SLC26A5: variants seen among roughly 807,000 people sequenced by gnomAD.
SLC26A5 encodes the protein solute carrier family 26 member 5, also known as prestin.
A neutral mutation model predicts 81.0 loss-of-function variants in SLC26A5; 51 were observed. That is an observed-to-expected ratio of 0.63 (90% confidence interval 0.50 to 0.80). SLC26A5 has a LOEUF of 0.80. SLC26A5 is among the 30% of genes least tolerant of loss of function. SLC26A5 has a pLI of 0.00. For missense variants in SLC26A5, 771 were observed against 905.8 expected, an observed-to-expected ratio of 0.85 and a Z score of 1.91; for synonymous variants, 325 against 332.8, an observed-to-expected ratio of 0.98 and a Z score of 0.25.
intron 7 of SLC26A5, among the ~76,000 whole-genome samples, chr7:103,410,060 T>C (rs1294503587): frequency 6.6e-6 from 1 of 152,170 alleles, no homozygotes; most frequent in Non-Finnish European, 1.5e-5. Flanking sequence ...TTTAAATTAT[T>C]TGTTAGTTTC....
At chr7:103,387,702 A>G (rs1313024232) in intron 14 of SLC26A5, among the ~76,000 whole-genome samples, 1 of 152,048 alleles carries the variant, frequency 6.6e-6, no homozygotes, top group Non-Finnish European at 1.5e-5. Flanking sequence ...ATTTTTTGAG[A>G]TGGAGTTTTG....
At chr7:103,352,870 T>A in exon 20 of SLC26A5, 2 of 780,952 alleles carry the variant, frequency 2.6e-6, no homozygotes, top group Non-Finnish European at 4.8e-6. Context: ...CTGAACTGCT[T>A]GGATTACACG....
chr7:103,433,760 T>A (rs1826252796), intron 2 of SLC26A5, among the ~76,000 whole-genome samples: 1 of 149,570 alleles, frequency 6.7e-6, no homozygotes, highest in African/African-American at 2.5e-5. Context: ...TGGTGTGCAG[T>A]GATGCGATCT....
In SLC26A5 at chr7:103,391,484, C is replaced by T. The variant is rs141799711; in HGVS notation, c.1233+138G>A. ...ATTCACTTCAACCAATCATGCCTTT[C>T]TCTGATTCCCTACACAGCTCACTGG... On this transcript the variant is annotated intron_variant, in intron 11 of 19. Coordinates refer to ENST00000306312, the MANE Select transcript of SLC26A5 (RefSeq NM_198999.3). 1.7e-4 allele frequency: 120 copies of T among 726,098 alleles called. No homozygotes were observed. The Middle Eastern group carries it at 2.9e-3, about 17-fold the overall frequency. 45.0% of individuals were successfully genotyped at this position (726,098 alleles called of 1,614,324 possible). A position where few individuals can be genotyped will look rare whatever the true frequency, so the allele number is the denominator to read the frequency against.
chr7:103,410,147 C>G (rs1824371478), intron 7 of SLC26A5, among the ~76,000 whole-genome samples: 1 of 152,148 alleles, frequency 6.6e-6, no homozygotes, highest in South Asian at 2.1e-4. Flanking sequence ...AAATAAAGAC[C>G]TAGCAAAAAA....
At chr7:103,384,953 G>A (rs1822069408) in intron 14 of SLC26A5, among the ~76,000 whole-genome samples, 1 of 152,110 alleles carries the variant, frequency 6.6e-6, no homozygotes, top group Admixed American at 6.5e-5. Flanking sequence ...CTTATATACT[G>A]CACTGTCCCT....
chr7:103,428,625 C>A (rs528310140), intron 2 of SLC26A5, among the ~76,000 whole-genome samples: 1 of 148,916 alleles, frequency 6.7e-6, no homozygotes, highest in African/African-American at 2.5e-5. Context: ...TGCAGTGGCA[C>A]CATCTTGGCT....
chr7:103,364,958 C>CATAT (rs59914167), intron 19 of SLC26A5, among the ~76,000 whole-genome samples: 51,578 of 125,252 alleles, frequency 0.41, 11,544 homozygotes, highest in Non-Finnish European at 0.49. Flanking sequence ...TGTAGACATA[C>CATAT]ATATATATAT....
intron 19 of SLC26A5, among the ~76,000 whole-genome samples, chr7:103,356,124 C>G (rs1820018565): frequency 6.6e-6 from 1 of 151,960 alleles, no homozygotes; most frequent in Non-Finnish European, 1.5e-5. Flanking sequence ...GTGTATCTTC[C>G]TGTATTTGCA....
At chr7:103,388,196 T>G (rs1381477966) in intron 14 of SLC26A5, among the ~76,000 whole-genome samples, 2 of 146,372 alleles carry the variant, frequency 1.4e-5, no homozygotes, top group Non-Finnish European at 3.0e-5. Context: ...CCATAAAGTT[T>G]TTTTTTTTTT....
intron 9 of SLC26A5, among the ~76,000 whole-genome samples, chr7:103,396,993 G>T (rs1334086880): frequency 6.6e-6 from 1 of 151,356 alleles, no homozygotes; most frequent in East Asian, 1.9e-4. Flanking sequence ...TACTCAGGAG[G>T]CTCAGGCAGG....
At chr7:103,354,360 A>T (rs1025225362) in intron 19 of SLC26A5, among the ~76,000 whole-genome samples, 5 of 150,698 alleles carry the variant, frequency 3.3e-5, no homozygotes, top group Non-Finnish European at 7.4e-5. Context: ...ATAATTTCAC[A>T]CACGATTTTT....
At chr7:103,416,566 C>A (rs1232788463) in intron 4 of SLC26A5, among the ~76,000 whole-genome samples, 3 of 152,154 alleles carry the variant, frequency 2.0e-5, no homozygotes, top group Non-Finnish European at 4.4e-5. Context: ...AGACTTTGAA[C>A]CAGTTCCCTT....
chr7:103,377,885 CTT>C, intron 17 of SLC26A5, 86 bp from the exon 18 acceptor site: 2 of 1,314,026 alleles, frequency 1.5e-6, no homozygotes, highest in East Asian at 2.3e-5. Context: ...AAAATCTGCT[CTT>C]GTGTTCTTAA....
Position 103,421,372 on chromosome 7 carries a change from T to C in SLC26A5, c.143A>G (p.Gln48Arg), listed in dbSNP as rs768443776. Reference protein sequence around the residue: ...VPDSIADKLKQAFTCTPKKIR... With the variant: ...VPDSIADKLKRAFTCTPKKIR... ...TTAAAAGGCAACGTACGTGAATGCC[T>C]GTTTCAGCTTATCCGCAATGGAATC... The change falls in exon 3 of 20, where the codon CAG (glutamine) becomes CGG (arginine). Residue 48 changes from glutamine (Q) to arginine (R), a missense_variant. Coordinates refer to ENST00000306312, the MANE Select transcript of SLC26A5 (RefSeq NM_198999.3). 2.5e-6 allele frequency: 4 copies of C among 1,614,132 alleles called. No individual in the cohort carries two copies. In the South Asian group the frequency reaches 3.3e-5, roughly 13 times the overall value.
chr7:103,382,319 A>T (rs1468992148), intron 14 of SLC26A5, among the ~76,000 whole-genome samples: 1 of 151,898 alleles, frequency 6.6e-6, no homozygotes, highest in African/African-American at 2.4e-5. Context: ...ATAGATTTTA[A>T]ACATTATTTT....
At chr7:103,391,152 C>A (rs1028401287) in intron 11 of SLC26A5, among the ~76,000 whole-genome samples, 1 of 152,168 alleles carries the variant, frequency 6.6e-6, no homozygotes, top group African/African-American at 2.4e-5. Flanking sequence ...CATGAGCTAC[C>A]GCACTTGGCC....
chr7:103,362,216 A>G (rs900660406), intron 19 of SLC26A5: 2 of 1,481,246 alleles, frequency 1.4e-6, no homozygotes, highest in African/African-American at 1.4e-5. Flanking sequence ...CTAGTAATGT[A>G]CTATAGTTGA....
chr7:103,377,624 GAATC>G lies in SLC26A5; in HGVS notation c.1957_1960del (p.Asp653LeufsTer4). The stretch of plus-strand genomic sequence containing the variant: ...CCCTGCCAGAGTTTTCACTCCAACA[GAATC>G]AATAAAATTGACTTGAGTGAAATCC... On this transcript the variant is annotated frameshift_variant, in exon 18 of 20. Coordinates refer to ENST00000306312, the MANE Select transcript of SLC26A5 (RefSeq NM_198999.3). LOFTEE classifies it high-confidence loss of function. The G allele has an allele frequency of 6.2e-7, 1 of 1,614,050 alleles. No individual in the cohort carries two copies. The highest frequency in any genetic ancestry group is 8.5e-7 in the Non-Finnish European group (1 of 1,179,984).
Sources: gnomAD v4.1 joint callset for allele counts (sites outside exome capture counted in the v4.1 genomes callset) on GRCh38, gnomAD v4.1.1 for gene constraint, MANE v1.5 for transcripts, NCBI Gene and HGNC (gene_info 2026-07-23, HGNC 2026-07-21) for gene names.